Variants in TAB2 observed in about 807,000 individuals in gnomAD.
TAB2 encodes the protein TGF-beta activated kinase 1 (MAP3K7) binding protein 2.
Under a neutral mutation model 65.0 loss-of-function variants are expected in TAB2, and 3 were observed. The ratio of observed to expected loss-of-function variants is 0.05; its 90% confidence interval spans 0.02 to 0.12. TAB2 has a LOEUF of 0.12. Among genes scored for constraint, TAB2 ranks in the 10% least tolerant of loss-of-function variants. TAB2 has a pLI of 1.00. For missense variants in TAB2, 623 were observed against 840.3 expected (o/e 0.74, Z 3.20); for synonymous variants, 298 against 285.1 (o/e 1.05, Z -0.46).
chr6:149,275,926 A>G (rs1778463533), intron 1 of TAB2, among the ~76,000 whole-genome samples: 1 of 152,236 alleles, frequency 6.6e-6, no homozygotes, highest in Non-Finnish European at 1.5e-5. Flanking sequence ...GGAGATTATG[A>G]AGATATGATG....
chr6:149,270,542 G>A (rs886908505), intron 1 of TAB2, among the ~76,000 whole-genome samples: 2 of 152,134 alleles, frequency 1.3e-5, no homozygotes, highest in African/African-American at 4.8e-5. Context: ...ATAAGTATAT[G>A]AGGTCATGAA....
intron 2 of TAB2, among the ~76,000 whole-genome samples, chr6:149,374,898 TAA>T (rs1484149632): frequency 6.6e-6 from 1 of 152,182 alleles, no homozygotes; most frequent in Non-Finnish European, 1.5e-5. Context: ...GAAAAAATTT[TAA>T]AAGAGGGGAG....
chr6:149,320,086 T>G (rs1439829025), intron 1 of TAB2, among the ~76,000 whole-genome samples: 6 of 152,194 alleles, frequency 3.9e-5, no homozygotes, highest in Non-Finnish European at 8.8e-5. Context: ...GTTTTCTTTG[T>G]TTTTTGTTTT....
At chr6:149,356,568 G>A (rs1156812747) in intron 1 of TAB2, among the ~76,000 whole-genome samples, 1 of 152,136 alleles carries the variant, frequency 6.6e-6, no homozygotes, top group East Asian at 1.9e-4. Flanking sequence ...GTCCTCGCAT[G>A]GTGGAAGGGG....
At chr6:149,392,373 C>G (rs1385475611) in intron 3 of TAB2, among the ~76,000 whole-genome samples, 1 of 152,162 alleles carries the variant, frequency 6.6e-6, no homozygotes, top group African/African-American at 2.4e-5. Context: ...AACTCCTGAC[C>G]TCAAATGATC....
chr6:149,254,594 A>G (rs952678932), intron 1 of TAB2, among the ~76,000 whole-genome samples: 3 of 152,184 alleles, frequency 2.0e-5, no homozygotes, highest in African/African-American at 7.2e-5. Flanking sequence ...GGAGCTTCAC[A>G]TGGCTTTCTG....
intron 1 of TAB2, among the ~76,000 whole-genome samples, chr6:149,362,723 G>A (rs1780892594): frequency 6.6e-6 from 1 of 152,158 alleles, no homozygotes; most frequent in Non-Finnish European, 1.5e-5. Flanking sequence ...CTGGGGAGGG[G>A]AAACTAGTCA....
intron 2 of TAB2, among the ~76,000 whole-genome samples, chr6:149,377,370 G>A (rs1269303472): frequency 6.6e-6 from 1 of 151,008 alleles, no homozygotes. Context: ...TTTCCCCCCC[G>A]CCACTCTGGA....
rs528418418 is a variant in TAB2 at position 149,235,307 on chromosome 6, G to C, written c.-121+16531G>C. ...CCTGTGCCAAGGAAAACAGAATTTT[G>C]AAGGCTCCATAAGCCACAATAGTGA... On this transcript the variant is annotated intron_variant, in intron 1 of 1. Coordinates refer to the TAB2 transcript ENST00000606202. Among the ~76,000 whole-genome samples, 8 of 152,328 alleles carry C rather than the reference G, an allele frequency of 5.3e-5. No homozygotes were observed. In the South Asian group the frequency reaches 1.7e-3, roughly 32 times the overall value.
At chr6:149,384,732 A>T (rs914423056) in intron 3 of TAB2, among the ~76,000 whole-genome samples, 3 of 152,196 alleles carry the variant, frequency 2.0e-5, no homozygotes, top group Admixed American at 6.5e-5. Context: ...GAGACATTCT[A>T]GTGTCTTCAT....
intron 1 of TAB2, among the ~76,000 whole-genome samples, chr6:149,308,130 C>T (rs497036): frequency 6.6e-5 from 10 of 151,812 alleles, no homozygotes; most frequent in Non-Finnish European, 1.2e-4. Context: ...AGATGTATTA[C>T]GGTTGTTTTC....
intron 1 of TAB2, chr6:149,246,150 C>G (rs1777708783): frequency 1.3e-5 from 2 of 152,224 alleles, no homozygotes; most frequent in Non-Finnish European, 2.9e-5. Flanking sequence ...ATCTCTTGAC[C>G]TCATGATCCA....
chr6:149,410,120 C>G lies in TAB2; in HGVS notation c.*401C>G, dbSNP rs1305175425. 4.2e-6 allele frequency: 1 copy of G among 239,430 alleles called. No homozygotes were observed. Among genetic ancestry groups the G allele is most frequent in the East Asian group, 1.1e-4 (1 of 9,230 alleles). The allele number at this position is 239,430 out of a possible 1,614,324, so 14.8% of individuals were successfully genotyped here. A position where few individuals can be genotyped will look rare whatever the true frequency, so the allele number is the denominator to read the frequency against. On this transcript the variant is annotated 3_prime_UTR_variant, in exon 7 of 7. Transcript: ENST00000637181. ...TATTTGTAAAGCTTTCAGTGAAACACTACATACACGAAGAAAAGGAACAAG... is the reference window on the plus strand; with the variant it reads ...TATTTGTAAAGCTTTCAGTGAAACAGTACATACACGAAGAAAAGGAACAAG...
intron 1 of TAB2, among the ~76,000 whole-genome samples, chr6:149,322,918 A>T (rs1779500421): frequency 6.6e-6 from 1 of 152,170 alleles, no homozygotes; most frequent in South Asian, 2.1e-4. Flanking sequence ...TTGAGGGAAG[A>T]GTGGAATAAC....
In TAB2 at chr6:149,386,068, C is replaced by CATACACATACGTGTGTGTATATATGTGT. The variant is rs1781797711; in HGVS notation, c.1603+6558_1603+6585dup. On this transcript the variant is annotated intron_variant, in intron 3 of 6. Coordinates refer to ENST00000637181, the MANE Select transcript of TAB2 (RefSeq NM_001292034.3). ...ATTATATTCATTCCCTTTATATTCA[C>CATACACATACGTGTGTGTATATATGTGT]ATACACATACGTGTGTGTATATATG... 3.9e-5 allele frequency among the ~76,000 whole-genome samples: 6 copies of CATACACATACGTGTGTGTATATATGTGT among 152,234 alleles called. No individual in the cohort carries two copies. The South Asian group carries it at 1.2e-3, about 32-fold the overall frequency.
In TAB2 at chr6:149,397,622, A is replaced by G. The variant is rs911104556; in HGVS notation, c.1622A>G (p.Lys541Arg). The change falls in exon 4 of 7, where the codon AAG (lysine) becomes AGG (arginine). Residue 541 changes from lysine (K) to arginine (R), a missense_variant. Lys to Arg is a conservative substitution (Grantham distance 26). Around this residue, in one of 3 missense-constraint regions of TAB2, gnomAD observed 550 missense variants for 665.7 expected, o/e 0.83. Coordinates refer to ENST00000637181, the MANE Select transcript of TAB2 (RefSeq NM_001292034.3). Reference protein sequence around the residue: ...AYTQALLVHQKARMERLQREL... With the variant: ...AYTQALLVHQRARMERLQREL... ...GTTGCAGCTCTTTTGGTACACCAGA[A>G]GGCCAGAATGGAACGACTTCAAAGA... 2 of 1,614,000 alleles carry G rather than the reference A, an allele frequency of 1.2e-6. No homozygotes were observed. The highest frequency in any genetic ancestry group is 2.7e-5 in the African/African-American group (2 of 74,934).
intron 1 of TAB2, among the ~76,000 whole-genome samples, chr6:149,293,042 C>A (rs1754224423): frequency 7.2e-6 from 1 of 138,850 alleles, no homozygotes; most frequent in Non-Finnish European, 1.5e-5. Flanking sequence ...TTGAGCTTTG[C>A]TTCCCGTGAA....
chr6:149,375,504 A>T (rs1228063431), intron 2 of TAB2, among the ~76,000 whole-genome samples: 1 of 152,150 alleles, frequency 6.6e-6, no homozygotes, highest in Non-Finnish European at 1.5e-5. Flanking sequence ...GGAATTTTTG[A>T]GCGCTCAAGA....
intron 1 of TAB2, among the ~76,000 whole-genome samples, chr6:149,286,702 C>T (rs4897112): frequency 0.2 from 30,491 of 152,120 alleles, 3,275 homozygotes; most frequent in East Asian, 0.43. Flanking sequence ...AGGGGATTCA[C>T]TGAGTATCAA....
Sources: gnomAD v4.1 joint callset for allele counts (sites outside exome capture counted in the v4.1 genomes callset) on GRCh38, gnomAD v4.1.1 for gene constraint, gnomAD v4.1.1 regional missense constraint, MANE v1.5 for transcripts, NCBI Gene and HGNC (gene_info 2026-07-23, HGNC 2026-07-21) for gene names.